EVL: variants seen among roughly 807,000 people sequenced by gnomAD.
The protein encoded by EVL is Enah/Vasp-like.
In EVL, 21 loss-of-function variants were observed where a neutral mutation model predicts 59.6. The ratio of observed to expected loss-of-function variants is 0.35; its 90% CI spans 0.25 to 0.51. The LOEUF (loss-of-function observed/expected upper bound fraction) is 0.51. EVL is among the 20% of genes least tolerant of loss of function. The probability of loss-of-function intolerance (pLI) is 0.97; values close to 1 mark genes in which losing one functional copy is unlikely to be tolerated. For synonymous variants in EVL, 198 were observed against 203.5 expected, an observed-to-expected ratio of 0.97 and a Z score of 0.23; for missense variants, 462 against 546.6, an observed-to-expected ratio of 0.85 and a Z score of 1.54.
Position 100,005,978 on chromosome 14 carries a change from T to G in EVL, c.5+33921T>G, listed in dbSNP as rs1254647441. ...AAAGCCCTTTAAGTCAAAAAATCTT[T>G]CCTTTTTTTTTTCCCCTTTTGCTGG... On this transcript the variant is annotated intron_variant, in intron 1 of 13. Transcript: ENST00000402714. Among the ~76,000 whole-genome samples the G allele has an allele frequency of 2.7e-5, 4 of 147,400 alleles. No individual in the cohort carries two copies. In the East Asian group the frequency reaches 8.1e-4, roughly 30 times the overall value.
At chr14:100,017,001 G>A (rs1239273297) in intron 1 of EVL, among the ~76,000 whole-genome samples, 1 of 152,192 alleles carries the variant, frequency 6.6e-6, no homozygotes, top group Non-Finnish European at 1.5e-5. Flanking sequence ...TCTGGAGGCA[G>A]CCTGAGCTGG....
intron 1 of EVL, among the ~76,000 whole-genome samples, chr14:100,022,198 C>G (rs2061137166): frequency 6.6e-6 from 1 of 151,982 alleles, no homozygotes; most frequent in South Asian, 2.1e-4. Flanking sequence ...TCCACACGTG[C>G]CTGTAGGCCT....
At chr14:100,131,599 G>A (rs1174355849) in intron 7 of EVL, among the ~76,000 whole-genome samples, 2 of 152,232 alleles carry the variant, frequency 1.3e-5, no homozygotes, top group African/African-American at 4.8e-5. Flanking sequence ...CCCGTGAGCA[G>A]GTGGCTTGGT....
intron 3 of EVL, among the ~76,000 whole-genome samples, chr14:100,122,254 CTGAT>C (rs1251109810): frequency 4.6e-5 from 7 of 152,282 alleles, no homozygotes; most frequent in South Asian, 2.1e-4. Context: ...ACACCACTGT[CTGAT>C]TGAGTTTAAG....
intron 1 of EVL, among the ~76,000 whole-genome samples, chr14:100,001,061 AAAC>A (rs1184233853): frequency 1.3e-5 from 2 of 152,142 alleles, no homozygotes; most frequent in Non-Finnish European, 2.9e-5. Flanking sequence ...GAAGGGAGAA[AAAC>A]AACAACAAAC....
chr14:100,104,671 G>A (rs531731873), intron 3 of EVL, among the ~76,000 whole-genome samples: 1 of 152,326 alleles, frequency 6.6e-6, no homozygotes, highest in Non-Finnish European at 1.5e-5. Flanking sequence ...ATTAAAAATA[G>A]TCATAACAGT....
Position 100,084,739 on chromosome 14 carries a change from A to G in EVL, c.64A>G (p.Ser22Gly). Residue 22 changes from serine to glycine, a missense_variant, in exon 2 of 14, where the codon AGT (serine) becomes GGT (glycine). By Grantham distance (56) the Ser-to-Gly change is moderately conservative. Transcript: ENST00000392920. ...RASVMVYDDT[S>G]KKWVPIKPGQ... ...TTCCGTGATGGTCTACGATGACACC[A>G]GTAAGAAATGGGTACCAATCAAACC... The G allele has an allele frequency of 6.2e-7, 1 of 1,614,234 alleles. No individual in the cohort carries two copies.
intron 1 of EVL, among the ~76,000 whole-genome samples, chr14:100,043,275 ATG>A (rs1175983248): frequency 4.0e-5 from 6 of 148,772 alleles, no homozygotes; most frequent in African/African-American, 1.0e-4. Flanking sequence ...GTATATATAT[ATG>A]TGTGTGTGTA....
chr14:100,047,875 T>C (rs915611758), intron 1 of EVL, among the ~76,000 whole-genome samples: 8 of 152,206 alleles, frequency 5.3e-5, no homozygotes, highest in African/African-American at 1.9e-4. Flanking sequence ...TGAGAAAGTA[T>C]AGCCTTTTCA....
chr14:99,986,557 G>A (rs2060841674), intron 1 of EVL, among the ~76,000 whole-genome samples: 1 of 152,210 alleles, frequency 6.6e-6, no homozygotes, highest in Non-Finnish European at 1.5e-5. Flanking sequence ...ATGCTTCAGA[G>A]TGTCCAAGGC....
intron 1 of EVL, among the ~76,000 whole-genome samples, chr14:100,042,003 A>G (rs562459595): frequency 6.6e-6 from 1 of 152,246 alleles, no homozygotes; most frequent in Non-Finnish European, 1.5e-5. Context: ...TGCATGTGGA[A>G]TTTTAAATAT....
chr14:99,986,061 G>A (rs1159775714), intron 1 of EVL, among the ~76,000 whole-genome samples: 2 of 152,118 alleles, frequency 1.3e-5, no homozygotes, highest in Non-Finnish European at 2.9e-5. Context: ...GGAGGCCAAG[G>A]CGAGCGGATC....
intron 1 of EVL, among the ~76,000 whole-genome samples, chr14:100,047,711 G>T (rs574587741): frequency 7.2e-5 from 11 of 152,214 alleles, no homozygotes; most frequent in Non-Finnish European, 1.5e-4. Context: ...AATAAACCAG[G>T]TACCCAACCA....
At chr14:100,003,345 T>C (rs2060957801) in intron 1 of EVL, among the ~76,000 whole-genome samples, 1 of 152,222 alleles carries the variant, frequency 6.6e-6, no homozygotes. Context: ...TGTAACTCAG[T>C]GTCACAAGGA....
intron 1 of EVL, among the ~76,000 whole-genome samples, chr14:100,038,828 T>G (rs540900779): frequency 7.7e-6 from 1 of 129,600 alleles, no homozygotes; most frequent in Admixed American, 8.2e-5. Flanking sequence ...AGAATATAAC[T>G]TTGTACTCAC....
chr14:100,096,614 A>G (rs1885830312), intron 2 of EVL, among the ~76,000 whole-genome samples: 1 of 152,232 alleles, frequency 6.6e-6, no homozygotes, highest in Admixed American at 6.5e-5. Context: ...GCTAGAAGGG[A>G]TGGGAAGCAG....
chr14:100,033,327 T>G (rs2061341786), intron 1 of EVL, among the ~76,000 whole-genome samples: 1 of 152,224 alleles, frequency 6.6e-6, no homozygotes, highest in African/African-American at 2.4e-5. Context: ...TTATCACATC[T>G]AATTTTCACA....
chr14:100,128,832 C>G, intron 6 of EVL, 84 bp downstream of exon 6: 1 of 1,214,428 alleles, frequency 8.2e-7, no homozygotes, highest in East Asian at 2.3e-5. Context: ...CTTCCCGCAT[C>G]TGCGAGACAC....
intron 1 of EVL, among the ~76,000 whole-genome samples, chr14:100,045,791 C>CT (rs1191121990): frequency 6.6e-6 from 1 of 152,136 alleles, no homozygotes; most frequent in Non-Finnish European, 1.5e-5. Context: ...CCCTGGGTGT[C>CT]TGTGTTTGTG....
Sources: allele counts gnomAD v4.1 joint callset (sites outside exome capture counted in the v4.1 genomes callset), GRCh38; gene constraint gnomAD v4.1.1; transcripts MANE v1.5; gene names NCBI Gene and HGNC (gene_info 2026-07-23, HGNC 2026-07-21).